ACTR3: variants seen among roughly 807,000 people sequenced by gnomAD.
ACTR3 encodes the protein actin related protein 3, also known as actin-related protein 3.
ACTR3 carries 12 observed loss-of-function variants against 56.8 expected under a neutral mutation model. The ratio of observed to expected loss-of-function variants is 0.21; its 90% confidence interval spans 0.14 to 0.34. The LOEUF (loss-of-function observed/expected upper bound fraction) is 0.34, where lower values mean the gene tolerates loss of function less well. ACTR3 is among the 10% of genes least tolerant of loss of function. ACTR3 has a pLI of 1.00. For synonymous variants in ACTR3, 162 were observed against 167.4 expected (o/e 0.97, Z 0.25); for missense variants, 282 against 512.5 (o/e 0.55, Z 4.34).
intron 3 of ACTR3, among the ~76,000 whole-genome samples, chr2:113,923,071 C>T (rs72835476): frequency 0.29 from 43,915 of 152,086 alleles, 7,972 homozygotes; most frequent in Middle Eastern, 0.42. Flanking sequence ...TCATTTTAAA[C>T]GCATTTTTAA....
intron 1 of ACTR3, among the ~76,000 whole-genome samples, chr2:113,898,671 T>C (rs535561701): frequency 6.6e-6 from 1 of 152,310 alleles, no homozygotes; most frequent in East Asian, 1.9e-4. Flanking sequence ...AAAGTTGTGC[T>C]CTGTAGGTGC....
At chr2:113,895,777 A>G (rs1162045105) in intron 1 of ACTR3, among the ~76,000 whole-genome samples, 1 of 152,218 alleles carries the variant, frequency 6.6e-6, no homozygotes, top group African/African-American at 2.4e-5. Flanking sequence ...ATCACTTAAT[A>G]GCTATATGAC....
At chr2:113,955,147 A>T (rs755713918) in intron 10 of ACTR3, 1 of 152,314 alleles carries the variant, frequency 6.6e-6, no homozygotes, top group Non-Finnish European at 1.5e-5. Flanking sequence ...CTAGAATTCA[A>T]TATTTGCTTA....
chr2:113,935,756 A>G (rs929963128), intron 6 of ACTR3, among the ~76,000 whole-genome samples: 1 of 152,132 alleles, frequency 6.6e-6, no homozygotes, highest in Non-Finnish European at 1.5e-5. Flanking sequence ...TCTGTGATAA[A>G]TATTATATTT....
At chr2:113,921,285 A>G (rs1243475894) in intron 3 of ACTR3, among the ~76,000 whole-genome samples, 1 of 145,246 alleles carries the variant, frequency 6.9e-6, no homozygotes, top group Non-Finnish European at 1.5e-5. Flanking sequence ...AGAAATGTCT[A>G]TTTAGATTAT....
intron 1 of ACTR3, among the ~76,000 whole-genome samples, chr2:113,905,518 TTAAC>T (rs1177602427): frequency 6.6e-6 from 1 of 152,088 alleles, no homozygotes; most frequent in Non-Finnish European, 1.5e-5. Context: ...AGTTTACTGT[TTAAC>T]TATTTCTAAG....
chr2:113,895,901 C>T (rs1265490991), intron 1 of ACTR3, among the ~76,000 whole-genome samples: 1 of 152,108 alleles, frequency 6.6e-6, no homozygotes, highest in Non-Finnish European at 1.5e-5. Context: ...CTCTGTTGCC[C>T]AAACTGGAGT....
chr2:113,903,236 C>G (rs901057507), intron 1 of ACTR3, among the ~76,000 whole-genome samples: 2 of 152,146 alleles, frequency 1.3e-5, no homozygotes, highest in African/African-American at 4.8e-5. Context: ...TTTTCCTTAT[C>G]TTTGATTTTC....
intron 1 of ACTR3, among the ~76,000 whole-genome samples, chr2:113,896,415 A>G (rs555873429): frequency 2.0e-5 from 3 of 152,234 alleles, no homozygotes; most frequent in Non-Finnish European, 4.4e-5. Context: ...TGAAGGAGGT[A>G]TAGCTAGGAC....
chr2:113,929,865 G>C (rs1431486783), intron 4 of ACTR3, among the ~76,000 whole-genome samples: 1 of 151,916 alleles, frequency 6.6e-6, no homozygotes, highest in Non-Finnish European at 1.5e-5. Context: ...TTTTAGTAGA[G>C]ACAGGATTTT....
At chr2:113,891,072 A>G (rs767984714) in intron 1 of ACTR3, among the ~76,000 whole-genome samples, 1 of 152,184 alleles carries the variant, frequency 6.6e-6, no homozygotes, top group African/African-American at 2.4e-5. Flanking sequence ...TCCTGCTTTC[A>G]GTCTTTTATA....
intron 1 of ACTR3, among the ~76,000 whole-genome samples, chr2:113,906,551 A>G (rs978032729): frequency 1.3e-5 from 2 of 152,126 alleles, no homozygotes; most frequent in African/African-American, 4.8e-5. Flanking sequence ...ATTTAGTATC[A>G]TGAAGCTTTT....
intron 4 of ACTR3, among the ~76,000 whole-genome samples, chr2:113,929,708 G>C (rs1679684190): frequency 6.6e-6 from 1 of 151,486 alleles, no homozygotes; most frequent in African/African-American, 2.4e-5. Flanking sequence ...AGACAGTCTT[G>C]CTCTGTCACC....
intron 1 of ACTR3, chr2:113,890,658 G>A (rs1410263308): frequency 2.5e-6 from 3 of 1,206,722 alleles, no homozygotes; most frequent in Non-Finnish European, 2.1e-6. Flanking sequence ...GGTGGTCCCC[G>A]GGCCCGACCC....
chr2:113,905,811 T>C (rs1477986670), intron 1 of ACTR3, among the ~76,000 whole-genome samples: 1 of 151,830 alleles, frequency 6.6e-6, no homozygotes, highest in Non-Finnish European at 1.5e-5. Flanking sequence ...TCATCCATGT[T>C]GTAAGCATGT....
intron 1 of ACTR3, among the ~76,000 whole-genome samples, chr2:113,907,615 A>G (rs1476928840): frequency 6.6e-6 from 1 of 152,218 alleles, no homozygotes; most frequent in Non-Finnish European, 1.5e-5. Context: ...CTGTAGAAAA[A>G]TAAATTATAC....
chr2:113,947,517 T>C (rs546023987), intron 8 of ACTR3, among the ~76,000 whole-genome samples: 45 of 152,242 alleles, frequency 3.0e-4, no homozygotes, highest in African/African-American at 1.0e-3. Flanking sequence ...TAGCCAGGCA[T>C]GTGGCGTGTG....
Position 113,959,026 on chromosome 2 carries a change from C to T in ACTR3, c.*1571C>T, listed in dbSNP as rs971754585. 3.0e-4 allele frequency: 46 copies of T among 151,968 alleles called. No individual in the cohort carries two copies. The highest frequency in any genetic ancestry group is 1.1e-3 in the African/African-American group (46 of 41,420). 9.4% of individuals were successfully genotyped at this position (151,968 alleles called of 1,614,324 possible). On this transcript the variant is annotated 3_prime_UTR_variant, in exon 12 of 12. Coordinates refer to ENST00000263238, the MANE Select transcript of ACTR3 (RefSeq NM_005721.5). ...ATTGTAAAAGACAAACTATATCCTA[C>T]AGTAGTATCATCATCAGTATCAAAG...
chr2:113,920,183 A>G (rs955870454), intron 3 of ACTR3, among the ~76,000 whole-genome samples: 6 of 152,152 alleles, frequency 3.9e-5, no homozygotes, highest in Non-Finnish European at 7.4e-5. Flanking sequence ...TTGGCCTCCC[A>G]AAGTGCTGGG....
Sources: gnomAD v4.1 joint callset for allele counts (sites outside exome capture counted in the v4.1 genomes callset) on GRCh38, gnomAD v4.1.1 for gene constraint, MANE v1.5 for transcripts, NCBI Gene and HGNC (gene_info 2026-07-23, HGNC 2026-07-21) for gene names.